Variants in CYLD observed in about 807,000 individuals in gnomAD.
CYLD encodes CYLD lysine 63 deubiquitinase.
A neutral mutation model predicts 104.5 loss-of-function variants in CYLD; 26 were observed. The observed-to-expected ratio is 0.25, with a 90% confidence interval of 0.18 to 0.35. CYLD has a LOEUF of 0.35. Among genes scored for constraint, CYLD ranks in the 10% least tolerant of loss-of-function variants. The pLI is 1.00. For synonymous variants in CYLD, 385 were observed against 399.9 expected, an observed-to-expected ratio of 0.96 and a Z score of 0.45; for missense variants, 703 against 1,136.1, an observed-to-expected ratio of 0.62 and a Z score of 5.48.
intron 2 of CYLD, 54 bp from the exon 3 acceptor site, chr16:50,749,522 T>C (rs1966455245): frequency 1.6e-6 from 1 of 644,466 alleles, no homozygotes; most frequent in Non-Finnish European, 2.6e-6. Flanking sequence ...GAATGAAGTC[T>C]AAAGTTTATT....
rs1567459320 is a variant in CYLD at position 50,793,657 on chromosome 16, A to G, written c.2462A>G (p.Asn821Ser). ...ATCAAGCAGTTTTGTAAAACCTGCAACACTCAAGTGAGCTTCCCTTCACTT... is the reference window on the plus strand; with the variant it reads ...ATCAAGCAGTTTTGTAAAACCTGCAGCACTCAAGTGAGCTTCCCTTCACTT... ...GKIKQFCKTC[N>S]TQVHLHPKRL... is the part of the protein sequence containing the mutation. Residue 821 changes from asparagine to serine, a missense_variant, in exon 17 of 19, where the codon AAC (asparagine) becomes AGC (serine). Coordinates refer to ENST00000427738, the MANE Select transcript of CYLD (RefSeq NM_001378743.1). 6.2e-7 allele frequency: 1 copy of G among 1,601,040 alleles called. No homozygotes were observed.
intron 14 of CYLD, among the ~76,000 whole-genome samples, chr16:50,788,842 T>C (rs574069253): frequency 6.6e-6 from 1 of 152,314 alleles, no homozygotes; most frequent in Non-Finnish European, 1.5e-5. Flanking sequence ...CATGAAAGTA[T>C]AAAATACCAA....
intron 2 of CYLD, among the ~76,000 whole-genome samples, chr16:50,743,291 C>G (rs1965878672): frequency 6.6e-6 from 1 of 152,158 alleles, no homozygotes; most frequent in South Asian, 2.1e-4. Context: ...CACCCCCTCA[C>G]GCCCCAAGTA....
rs755537769 is a variant in CYLD, at chr16:50,794,276, C to T, written c.2534C>T (p.Pro845Leu). The change falls in exon 18 of 19, where the codon CCC becomes CTC. Residue 845 changes from proline (P) to leucine (L), a missense_variant. Pro to Leu is a moderately conservative substitution (Grantham distance 98, BLOSUM62 -3). This residue lies in a region of CYLD where 130 missense variants were observed against 220.2 expected (regional missense o/e 0.59). Transcript: ENST00000427738. This position sits in a 1 kb window ranked among gnomAD's most constrained non-coding sequence, Gnocchi z 4.1. Reference sequence around the variant, plus strand: ...CCAGTGTCACTTCCCAAAGACTTACCCGACTGGGACTGGAGACACGGCTGC... The same window carrying T: ...CCAGTGTCACTTCCCAAAGACTTACTCGACTGGGACTGGAGACACGGCTGC... ...YNPVSLPKDL[P>L]DWDWRHGCIP... 15 of 1,614,048 alleles carry T rather than the reference C, an allele frequency of 9.3e-6. No homozygotes were observed. The highest frequency in any genetic ancestry group is 1.3e-5 in the Non-Finnish European group (15 of 1,180,040).
rs968276673 is a variant in CYLD, at chr16:50,796,513, G to C, written c.*5G>C. 3.1e-6 allele frequency: 5 copies of C among 1,612,354 alleles called. No homozygotes were observed. Among genetic ancestry groups the C allele is most frequent in the Non-Finnish European group, 4.2e-6 (5 of 1,179,946 alleles). On this transcript the variant is annotated 3_prime_UTR_variant, in exon 19 of 19. Coordinates refer to ENST00000427738, the MANE Select transcript of CYLD (RefSeq NM_001378743.1). ...ACAATGAGTTTGTACAAATAACTGG[G>C]GTCATCGGGAAAGGCAAAGAAACTG...
At chr16:50,786,578 G>A (rs1180457757) in intron 12 of CYLD, 1 of 344,530 alleles carries the variant, frequency 2.9e-6, no homozygotes, top group Non-Finnish European at 5.5e-6. Context: ...TGGCCAACAT[G>A]GTGAAACCCT....
chr16:50,756,554 C>T (rs750688221), intron 5 of CYLD, among the ~76,000 whole-genome samples: 14 of 152,176 alleles, frequency 9.2e-5, no homozygotes, highest in Non-Finnish European at 8.8e-5. Flanking sequence ...TTGACAATTT[C>T]TGTTGATAAC....
intron 9 of CYLD, among the ~76,000 whole-genome samples, chr16:50,780,757 GATCTGC>G (rs1970142032): frequency 2.0e-5 from 3 of 152,042 alleles, no homozygotes; most frequent in Non-Finnish European, 4.4e-5. Flanking sequence ...GGACTCAAGT[GATCTGC>G]CCGCCTTGGC....
At chr16:50,795,717 G>A in intron 18 of CYLD, 1 of 647,408 alleles carries the variant, frequency 1.5e-6, no homozygotes, top group East Asian at 2.8e-5. Flanking sequence ...ATCTGTAGAT[G>A]TGCCCCCAAC....
rs1597066928 is a variant in CYLD at position 50,784,869 on chromosome 16, T to G, written c.1949+418T>G. 1.5e-5 allele frequency: 3 copies of G among 201,214 alleles called. No homozygotes were observed. The Admixed American group carries it at 1.6e-4, about 11-fold the overall frequency. The allele number at this position is 201,214 out of a possible 1,614,324, so 12.5% of individuals were successfully genotyped here. A position where few individuals can be genotyped will look rare whatever the true frequency, so the allele number is the denominator to read the frequency against. Reference sequence around the variant, plus strand: ...CTGAAAGAAAAGGAGAAAGGGAAATTCTTTATAGAATAGCTAGTGTTTAAT... The same window carrying G: ...CTGAAAGAAAAGGAGAAAGGGAAATGCTTTATAGAATAGCTAGTGTTTAAT... On this transcript the variant is annotated intron_variant, in intron 12 of 18. Coordinates refer to ENST00000427738, the MANE Select transcript of CYLD (RefSeq NM_001378743.1).
chr16:50,772,201 A>C (rs1180374749), intron 5 of CYLD, among the ~76,000 whole-genome samples: 1 of 152,146 alleles, frequency 6.6e-6, no homozygotes, highest in African/African-American at 2.4e-5. Context: ...TCTTTTGTCT[A>C]TGCCTATTGA....
At chr16:50,795,563 C>T (rs1971948300) in intron 18 of CYLD, 1 of 702,842 alleles carries the variant, frequency 1.4e-6, no homozygotes, top group African/African-American at 1.7e-5. Context: ...CTCTCAGATC[C>T]AGCCCCCACG....
intron 18 of CYLD, among the ~76,000 whole-genome samples, chr16:50,795,911 G>T (rs1567461605): frequency 6.6e-6 from 1 of 152,192 alleles, no homozygotes. Flanking sequence ...AAAGTGTAGG[G>T]AGCTATAATA....
chr16:50,743,622 A>G (rs1259874112), intron 2 of CYLD, among the ~76,000 whole-genome samples: 1 of 152,212 alleles, frequency 6.6e-6, no homozygotes, highest in Non-Finnish European at 1.5e-5. Context: ...GGAGAGAGAA[A>G]GGAATAGTTA....
intron 15 of CYLD, 62 bp from the exon 16 acceptor site, chr16:50,792,535 T>A: frequency 8.2e-7 from 1 of 1,213,418 alleles, no homozygotes; most frequent in Non-Finnish European, 1.2e-6. Flanking sequence ...ACTATTTTGG[T>A]TTCATAGGGA....
rs1346445965 is a variant in CYLD, at chr16:50,794,301, C to T, written c.2559C>T (p.Cys853=). 9 of 1,614,056 alleles carry T rather than the reference C, an allele frequency of 5.6e-6. No homozygotes were observed. The highest frequency in any genetic ancestry group is 2.2e-5 in the South Asian group (2 of 91,092). The part of the protein sequence containing the change: ...DLPDWDWRHG[C]IPCQNMELFA... Reference sequence around the variant, plus strand: ...CCGACTGGGACTGGAGACACGGCTGCATCCCTTGCCAGAATATGGAGTTAT... The same window carrying T: ...CCGACTGGGACTGGAGACACGGCTGTATCCCTTGCCAGAATATGGAGTTAT... Residue 853 remains cysteine (C), a synonymous_variant, in exon 18 of 19, where the codon TGC becomes TGT. Transcript: ENST00000427738. The surrounding 1 kb of genome is among the most constrained non-coding windows in gnomAD (Gnocchi z 4.1).
chr16:50,742,895 C>T (rs1320623349), intron 2 of CYLD, 54 bp downstream of exon 2: 3 of 111,722 alleles, frequency 2.7e-5, no homozygotes, highest in East Asian at 9.1e-5. Context: ...GGGTGGGGGG[C>T]GAATGGGGGG....
At chr16:50,767,649 A>T (rs904191603) in intron 5 of CYLD, among the ~76,000 whole-genome samples, 1 of 152,190 alleles carries the variant, frequency 6.6e-6, no homozygotes, top group African/African-American at 2.4e-5. Context: ...TAGGGAAATC[A>T]TTAGTTTAGT....
intron 11 of CYLD, among the ~76,000 whole-genome samples, chr16:50,782,683 C>T (rs1439327828): frequency 6.6e-6 from 1 of 151,954 alleles, no homozygotes; most frequent in Non-Finnish European, 1.5e-5. Flanking sequence ...GTTTCTGTGT[C>T]CAGAAAGGTG....
Sources: allele counts gnomAD v4.1 joint callset (sites outside exome capture counted in the v4.1 genomes callset), GRCh38; gene constraint gnomAD v4.1.1; regional missense constraint gnomAD v4.1.1; non-coding constraint Gnocchi (gnomAD v3.1); transcripts MANE v1.5; gene names NCBI Gene and HGNC (gene_info 2026-07-23, HGNC 2026-07-21).